Variants in CRTC3 observed in about 807,000 individuals in gnomAD.
CRTC3 encodes CREB-regulated transcription coactivator 3.
CRTC3 carries 26 observed loss-of-function variants against 74.5 expected under a neutral mutation model. The ratio of observed to expected loss-of-function variants is 0.35; its 90% CI spans 0.26 to 0.48. The LOEUF (loss-of-function observed/expected upper bound fraction) is 0.48, where lower values mean the gene tolerates loss of function less well. CRTC3 is among the 20% of genes least tolerant of loss of function. CRTC3 has a pLI of 0.99. For missense variants in CRTC3, 760 were observed against 787.3 expected (o/e 0.97, Z 0.41); for synonymous variants, 377 against 325.8 (o/e 1.16, Z -1.69).
intron 2 of CRTC3, among the ~76,000 whole-genome samples, chr15:90,560,614 G>C (rs973619936): frequency 6.6e-6 from 1 of 152,196 alleles, no homozygotes; most frequent in African/African-American, 2.4e-5. Flanking sequence ...AACCTGGCAG[G>C]CTCTTCTGAA....
intron 3 of CRTC3, chr15:90,598,334 C>A: frequency 1.5e-6 from 1 of 674,592 alleles, no homozygotes. Context: ...TTCTGTGGCT[C>A]AGTAACCCCA....
Position 90,530,480 on chromosome 15 carries a change from C to G in CRTC3, c.132+277C>G, listed in dbSNP as rs1426613390. On this transcript the variant is annotated intron_variant, in intron 1 of 14. Coordinates refer to ENST00000268184, the MANE Select transcript of CRTC3 (RefSeq NM_022769.5). This position sits in a 1 kb window ranked among gnomAD's most constrained non-coding sequence, Gnocchi z 6.2. ...GGTGAAGCCCGTGGAGGCGGGCGGC[C>G]GTGCGAGGGCGGCCTGAGGGGGAGG... 6.5e-6 allele frequency: 1 copy of G among 152,754 alleles called. No homozygotes were observed. The highest frequency in any genetic ancestry group is 1.5e-5 in the Non-Finnish European group (1 of 68,622). The allele number at this position is 152,754 out of a possible 1,614,324, so 9.5% of individuals were successfully genotyped here.
Position 90,633,081 on chromosome 15 carries a change from AT to A in CRTC3, c.1266+3550del, listed in dbSNP as rs556985901. On this transcript the variant is annotated intron_variant, in intron 11 of 14. Transcript: ENST00000268184. ...TTCCTACCCACCCTCCTCATTTATT[AT>A]AATTTTGGTTAGAGCAATACTCAAT... Among the ~76,000 whole-genome samples, 327 of 152,288 alleles carry A rather than the reference AT, an allele frequency of 2.1e-3. 1 individual carries two copies. The highest frequency in any genetic ancestry group is 0.014 in the Middle Eastern group (4 of 294).
At position 90,638,568 on chromosome 15, in the gene CRTC3, C is replaced by T. The variant is rs529975944; in HGVS notation, c.1389C>T (p.Arg463=). Residue 463 remains arginine, a synonymous_variant, in exon 12 of 15, where the codon CGC becomes CGT. Coordinates refer to ENST00000268184, the MANE Select transcript of CRTC3 (RefSeq NM_022769.5). ...ELTQPLLQQP[R]APEAPAQQPQ... ...CCCAGCCCCTCCTGCAGCAGCCCCG[C>T]GCCCCTGAGGCCCCTGCCCAGCAGC... 3.8e-5 allele frequency: 62 copies of T among 1,612,854 alleles called. No individual in the cohort carries two copies. Among genetic ancestry groups the T allele is most frequent in the East Asian group, 2.2e-4 (10 of 44,896 alleles).
intron 2 of CRTC3, among the ~76,000 whole-genome samples, chr15:90,547,365 T>C (rs1966846107): frequency 2.0e-5 from 3 of 152,224 alleles, no homozygotes; most frequent in African/African-American, 7.2e-5. Flanking sequence ...TAAATCACTT[T>C]GGAGTTTACA....
chr15:90,630,995 T>A (rs1969018116), intron 11 of CRTC3, among the ~76,000 whole-genome samples: 1 of 95,792 alleles, frequency 1.0e-5, no homozygotes, highest in Non-Finnish European at 2.4e-5. Flanking sequence ...GCCAGGATGG[T>A]CTCGATCTCC....
chr15:90,568,066 G>A (rs947059222), intron 2 of CRTC3, among the ~76,000 whole-genome samples: 5 of 152,148 alleles, frequency 3.3e-5, no homozygotes, highest in African/African-American at 1.2e-4. Flanking sequence ...TAACCCTATT[G>A]GATGACTTTG....
chr15:90,540,342 A>C (rs572132449), intron 2 of CRTC3, among the ~76,000 whole-genome samples: 17 of 152,372 alleles, frequency 1.1e-4, no homozygotes, highest in Admixed American at 2.0e-4. Context: ...AGCACTGGCA[A>C]GTAGAATTAT....
chr15:90,547,006 T>C lies in CRTC3; in HGVS notation c.231+6869T>C, dbSNP rs555371281. Among the ~76,000 whole-genome samples, 3 of 152,362 alleles carry C rather than the reference T, an allele frequency of 2.0e-5. No homozygotes were observed. The South Asian group carries it at 6.2e-4, about 32-fold the overall frequency. On this transcript the variant is annotated intron_variant, in intron 2 of 14. Coordinates refer to ENST00000268184, the MANE Select transcript of CRTC3 (RefSeq NM_022769.5). The stretch of plus-strand genomic sequence containing the variant: ...TTGACATCTTTATAATATGGAGTCT[T>C]CCACGAAGAAGACTTCCATGTACAG...
At chr15:90,563,861 C>G (rs1967066021) in intron 2 of CRTC3, among the ~76,000 whole-genome samples, 1 of 152,140 alleles carries the variant, frequency 6.6e-6, no homozygotes, top group Non-Finnish European at 1.5e-5. Flanking sequence ...AAATAATTTC[C>G]TTCTTTCCTT....
intron 5 of CRTC3, 93 bp downstream of exon 5, chr15:90,604,540 A>T (rs1280709645): frequency 1.0e-6 from 1 of 987,416 alleles, no homozygotes; most frequent in East Asian, 2.4e-5. Flanking sequence ...GAGTGTGTTT[A>T]TGTAAGCTGT....
At chr15:90,595,692 A>C (rs1156309134) in intron 3 of CRTC3, 1 of 152,084 alleles carries the variant, frequency 6.6e-6, no homozygotes, top group Non-Finnish European at 1.5e-5. Context: ...ATATGTGGCT[A>C]TCTCAGATAC....
At chr15:90,640,362 G>A (rs1969395242) in intron 13 of CRTC3, among the ~76,000 whole-genome samples, 1 of 150,994 alleles carries the variant, frequency 6.6e-6, no homozygotes, top group South Asian at 2.1e-4. Flanking sequence ...GTGTGAAAAG[G>A]AAAGCCTTCC....
At position 90,554,533 on chromosome 15, in the gene CRTC3, G is replaced by T. The variant is rs189150547; in HGVS notation, c.231+14396G>T. Among the ~76,000 whole-genome samples the T allele has an allele frequency of 4.4e-3, 664 of 152,252 alleles. 4 individuals are homozygous for T. Among genetic ancestry groups the T allele is most frequent in the Non-Finnish European group, 6.6e-3 (448 of 68,020 alleles). Reference sequence around the variant, plus strand: ...ATTTCCTCTTATAATTGTTCCTATTGCTCCTGCTTCCACTGCTGTAATTCC... The same window carrying T: ...ATTTCCTCTTATAATTGTTCCTATTTCTCCTGCTTCCACTGCTGTAATTCC... On this transcript the variant is annotated intron_variant, in intron 2 of 14. Transcript: ENST00000268184.
chr15:90,560,058 C>T (rs889088845), intron 2 of CRTC3, among the ~76,000 whole-genome samples: 12 of 152,128 alleles, frequency 7.9e-5, no homozygotes, highest in African/African-American at 2.9e-4. Flanking sequence ...GTTAGAGATA[C>T]ATGTTGTCTT....
chr15:90,603,191 C>G (rs918372529), intron 4 of CRTC3, among the ~76,000 whole-genome samples: 2 of 152,016 alleles, frequency 1.3e-5, no homozygotes, highest in Non-Finnish European at 2.9e-5. Flanking sequence ...TGCCTGTAAT[C>G]CCAGCACTTT....
intron 2 of CRTC3, among the ~76,000 whole-genome samples, chr15:90,559,368 C>T (rs966566024): frequency 6.6e-6 from 1 of 152,164 alleles, no homozygotes; most frequent in Non-Finnish European, 1.5e-5. Flanking sequence ...CCTGAGCCAC[C>T]ACACAAGTAT....
At chr15:90,634,812 G>A in intron 11 of CRTC3, 1 of 1,456,504 alleles carries the variant, frequency 6.9e-7, no homozygotes. Context: ...AACCAAAGGA[G>A]GCATTTTGCT....
In CRTC3 at chr15:90,530,218, C is replaced by A. The variant is rs1190339495; in HGVS notation, c.132+15C>A. ...CCCTGTCGCGGGTGAGGGCCCGGGCCGGCGCGGGCGGGGGCGGCCACGGCC... is the reference window on the plus strand; with the variant it reads ...CCCTGTCGCGGGTGAGGGCCCGGGCAGGCGCGGGCGGGGGCGGCCACGGCC... On this transcript the variant is annotated intron_variant, in intron 1 of 14. Transcript: ENST00000268184. The surrounding 1 kb of genome is among the most constrained non-coding windows in gnomAD (Gnocchi z 6.2). The A allele has an allele frequency of 2.6e-6, 3 of 1,135,054 alleles. No homozygotes were observed. Among genetic ancestry groups the A allele is most frequent in the Non-Finnish European group, 3.3e-6 (3 of 917,748 alleles). 70.3% of individuals were successfully genotyped at this position (1,135,054 alleles called of 1,614,324 possible).
Sources: gnomAD v4.1 joint callset for allele counts (sites outside exome capture counted in the v4.1 genomes callset) on GRCh38, gnomAD v4.1.1 for gene constraint, Gnocchi (gnomAD v3.1) non-coding constraint, MANE v1.5 for transcripts, NCBI Gene and HGNC (gene_info 2026-07-23, HGNC 2026-07-21) for gene names.